The following ANKRD36C variants were observed in gnomAD, a reference collection of about 807,000 sequenced individuals.
ANKRD36C encodes the protein ankyrin repeat domain 36C.
ANKRD36C carries 61 observed loss-of-function variants against 276.4 expected under a neutral mutation model. The observed-to-expected ratio is 0.22, with a 90% CI of 0.18 to 0.27. The LOEUF (loss-of-function observed/expected upper bound fraction) is 0.27. Among genes scored for constraint, ANKRD36C ranks in the 10% least tolerant of loss-of-function variants. The pLI is 1.00. For missense variants in ANKRD36C, 1,447 were observed against 2,032.3 expected (o/e 0.71, Z 5.54); for synonymous variants, 483 against 680.1 (o/e 0.71, Z 4.51).
intron 6 of ANKRD36C, among the ~76,000 whole-genome samples, chr2:95,964,035 C>T (rs1436506142): frequency 3.9e-5 from 4 of 103,814 alleles, no homozygotes; most frequent in Non-Finnish European, 5.6e-5. Flanking sequence ...GTCATGATTG[C>T]CAAGAATATT....
intron 6 of ANKRD36C, among the ~76,000 whole-genome samples, chr2:95,974,065 A>T (rs1678755456): frequency 6.6e-6 from 1 of 151,490 alleles, no homozygotes. Flanking sequence ...AAAAAAAAAA[A>T]TCAAGAAACT....
At chr2:95,861,981 C>T (rs1295991232) in intron 60 of ANKRD36C, among the ~76,000 whole-genome samples, 6 of 151,968 alleles carry the variant, frequency 3.9e-5, no homozygotes, top group Admixed American at 2.0e-4. Context: ...AAAAAACATT[C>T]CAGCAATAAA....
At chr2:95,963,958 A>AATATATATATATAAATATAT (rs1558658587) in intron 6 of ANKRD36C, among the ~76,000 whole-genome samples, 6 of 63,598 alleles carry the variant, frequency 9.4e-5, no homozygotes, top group Non-Finnish European at 1.5e-4. Flanking sequence ...TATATATATA[A>AATATATATATATAAATATAT]ATATATATAT....
At position 95,891,868 on chromosome 2, in the gene ANKRD36C, G is replaced by A. The variant is rs1221713284; in HGVS notation, c.2756-8C>T. On this transcript the variant is annotated splice_region_variant and splice_polypyrimidine_tract_variant and intron_variant, in intron 44 of 66. Coordinates refer to ENST00000456556, the Ensembl canonical transcript of ANKRD36C. ...ATGGTTTCTCAGAAGACACTGAAAA[G>A]TAAAAGGGATTCATAATCACTCATA... 7.7e-6 allele frequency: 12 copies of A among 1,559,168 alleles called. No individual in the cohort carries two copies. The South Asian group carries it at 1.2e-4, about 15-fold the overall frequency.
At chr2:95,923,462 G>C (rs1677326587) in intron 32 of ANKRD36C, 33 bp downstream of exon 32, 1 of 1,605,312 alleles carries the variant, frequency 6.2e-7, no homozygotes, top group Non-Finnish European at 8.5e-7. Flanking sequence ...TATCTGGACT[G>C]AACATGACAT....
chr2:95,921,679 C>A, exon 34 of ANKRD36C: 1 of 1,604,346 alleles, frequency 6.2e-7, no homozygotes. Flanking sequence ...TCAGTTGTAG[C>A]CTGAATGGAA....
intron 62 of ANKRD36C, 97 bp from the exon 83 acceptor site, chr2:95,856,277 G>C: frequency 6.4e-7 from 1 of 1,571,406 alleles, no homozygotes; most frequent in South Asian, 1.2e-5. Context: ...TTTATACAAT[G>C]AGAGGTTGCC....
intron 42 of ANKRD36C, among the ~76,000 whole-genome samples, 197 bp from the exon 45 acceptor site, chr2:95,910,765 C>T (rs1676892533): frequency 6.6e-6 from 1 of 151,318 alleles, no homozygotes; most frequent in African/African-American, 2.4e-5. Flanking sequence ...ATGAAATATA[C>T]CCTTACAATT....
rs771247243 is a variant in ANKRD36C, at chr2:95,912,330, G to A, written c.2581-14C>T. On this transcript the variant is annotated splice_polypyrimidine_tract_variant and intron_variant, in intron 41 of 66. Transcript: ENST00000456556. The stretch of plus-strand genomic sequence containing the variant: ...ATCACTTGTAGCCTGAATGGAATTT[G>A]AAACAAAATAATAAATAAGGTATGT... 1 of 1,592,708 alleles carries A rather than the reference G, an allele frequency of 6.3e-7. No homozygotes were observed. Among genetic ancestry groups the A allele is most frequent in the Non-Finnish European group, 8.5e-7 (1 of 1,171,302 alleles).
At chr2:95,987,662 C>T (rs1419794196) in intron 1 of ANKRD36C, among the ~76,000 whole-genome samples, 1 of 138,528 alleles carries the variant, frequency 7.2e-6, no homozygotes, top group Non-Finnish European at 1.5e-5. Flanking sequence ...TCGCCCAGGC[C>T]GGACTGCGGA....
intron 44 of ANKRD36C, among the ~76,000 whole-genome samples, chr2:95,894,619 A>T (rs1428686483): frequency 6.6e-6 from 1 of 151,394 alleles, no homozygotes; most frequent in Non-Finnish European, 1.5e-5. Flanking sequence ...AGTTTCATTA[A>T]ACAGCTATTT....
intron 59 of ANKRD36C, among the ~76,000 whole-genome samples, chr2:95,872,263 G>C (rs1573730463): frequency 7.8e-6 from 1 of 128,038 alleles, no homozygotes; most frequent in East Asian, 3.4e-4. Context: ...CCACATACTT[G>C]GAAGTAAAGC....
At chr2:95,849,053 G>A (rs1019974503), downstream of ANKRD36C, among the ~76,000 whole-genome samples, 3 of 151,792 alleles carry the variant, frequency 2.0e-5, no homozygotes, top group African/African-American at 4.8e-5. Context: ...TTGTCAGCAC[G>A]TATTCTTTCT....
chr2:95,977,997 T>C, intron 6 of ANKRD36C, 125 bp downstream of exon 6: 1 of 354,892 alleles, frequency 2.8e-6, no homozygotes, highest in Non-Finnish European at 5.3e-6. Flanking sequence ...GACTACTAAG[T>C]ATTTTTTAAA....
chr2:95,884,253 G>A lies in ANKRD36C; in HGVS notation c.3193-8C>T. On this transcript the variant is annotated splice_polypyrimidine_tract_variant and splice_region_variant and intron_variant, in intron 53 of 66. Coordinates refer to ENST00000456556, the Ensembl canonical transcript of ANKRD36C. ...TTTCTCATCACCTGTAGCCTGAATG[G>A]AATTTGAAACAAAATAATAAATCAA... 6.2e-7 allele frequency: 1 copy of A among 1,609,902 alleles called. No homozygotes were observed. The highest frequency in any genetic ancestry group is 8.5e-7 in the Non-Finnish European group (1 of 1,178,766).
At chr2:95,910,763 T>C (rs1268083278) in intron 42 of ANKRD36C, among the ~76,000 whole-genome samples, 195 bp from the exon 45 acceptor site, 2 of 151,384 alleles carry the variant, frequency 1.3e-5, no homozygotes, top group East Asian at 2.0e-4. Flanking sequence ...CCATGAAATA[T>C]ACCCTTACAA....
chr2:95,855,498 T>G (rs775212574), exon 63 of ANKRD36C: 6 of 1,611,714 alleles, frequency 3.7e-6, no homozygotes, highest in Non-Finnish European at 5.1e-6. Context: ...CATATTTTGT[T>G]TTTTTAGTTG....
At chr2:95,939,868 A>G (rs1486823633) in intron 20 of ANKRD36C, among the ~76,000 whole-genome samples, 2 of 150,748 alleles carry the variant, frequency 1.3e-5, no homozygotes, top group African/African-American at 2.5e-5. Context: ...TGGATTCTCA[A>G]CTTTAGTTCT....
chr2:95,954,675 T>G (rs529210217), intron 13 of ANKRD36C, among the ~76,000 whole-genome samples: 3 of 152,284 alleles, frequency 2.0e-5, no homozygotes, highest in African/African-American at 7.2e-5. Context: ...ATTAAAACAT[T>G]AAAAATTTTA....
Sources: allele counts gnomAD v4.1 joint callset (sites outside exome capture counted in the v4.1 genomes callset), GRCh38; gene constraint gnomAD v4.1.1; transcripts MANE v1.5; gene names NCBI Gene and HGNC (gene_info 2026-07-23, HGNC 2026-07-21).